Variants in L3MBTL4 observed in about 807,000 individuals in gnomAD.
L3MBTL4 encodes the protein L3MBTL histone methyl-lysine binding protein 4.
A neutral mutation model predicts 84.5 loss-of-function variants in L3MBTL4; 70 were observed. That is an observed-to-expected ratio of 0.83 (90% CI 0.68 to 1.01). The LOEUF (loss-of-function observed/expected upper bound fraction) is 1.01. Among genes scored for constraint, L3MBTL4 ranks in the 50% least tolerant of loss-of-function variants. The pLI is 0.00. For missense variants in L3MBTL4, 715 were observed against 754.8 expected (o/e 0.95, Z 0.62); for synonymous variants, 274 against 259.8 (o/e 1.05, Z -0.52).
chr18:6,056,118 G>A (rs557745495), intron 16 of L3MBTL4, among the ~76,000 whole-genome samples: 6 of 152,106 alleles, frequency 3.9e-5, no homozygotes, highest in Non-Finnish European at 7.4e-5. Flanking sequence ...AGGAATCTGG[G>A]CTGTAAAATT....
In L3MBTL4 at chr18:5,954,929, T is replaced by C. The variant is rs111629793; in HGVS notation, c.*1291A>G. 6.6e-6 allele frequency: 1 copy of C among 152,168 alleles called. No homozygotes were observed. Among genetic ancestry groups the C allele is most frequent in the African/African-American group, 2.4e-5 (1 of 41,420 alleles). The allele number at this position is 152,168 out of a possible 1,614,324, so 9.4% of individuals were successfully genotyped here. On this transcript the variant is annotated 3_prime_UTR_variant, in exon 19 of 19. Transcript: ENST00000317931. ...TGCACACCTCTTAGAGTTTGTTTATTTTCTTCAGTGAAAAAAAAATGTAAA... is the reference window on the plus strand; with the variant it reads ...TGCACACCTCTTAGAGTTTGTTTATCTTCTTCAGTGAAAAAAAAATGTAAA...
rs965309907 is a variant in L3MBTL4, at chr18:6,284,974, G to A, written c.127+16929C>T. Among the ~76,000 whole-genome samples, 5 of 152,240 alleles carry A rather than the reference G, an allele frequency of 3.3e-5. No homozygotes were observed. In the South Asian group the frequency reaches 8.3e-4, roughly 25 times the overall value. On this transcript the variant is annotated intron_variant, in intron 4 of 18. Transcript: ENST00000317931. The stretch of plus-strand genomic sequence containing the variant: ...GGCAGGGCAGCCTGGCATGGGCGGG[G>A]GCGGGAATGAACCCTAAACAAGGCG...
intron 1 of L3MBTL4, among the ~76,000 whole-genome samples, chr18:6,401,301 T>C (rs934259381): frequency 2.0e-5 from 3 of 152,194 alleles, no homozygotes; most frequent in Non-Finnish European, 4.4e-5. Flanking sequence ...GCACCGTTTA[T>C]AGATATCACC....
chr18:6,179,380 C>A (rs1188274814), intron 12 of L3MBTL4, among the ~76,000 whole-genome samples: 3 of 152,268 alleles, frequency 2.0e-5, no homozygotes, highest in South Asian at 4.1e-4. Context: ...GAGAGGAGAA[C>A]TGGGTTTTAA....
intron 16 of L3MBTL4, among the ~76,000 whole-genome samples, chr18:6,039,512 G>A (rs2056304449): frequency 6.6e-6 from 1 of 152,148 alleles, no homozygotes; most frequent in South Asian, 2.1e-4. Context: ...AAAGGGTAAG[G>A]AAAGAGTGCC....
chr18:6,025,193 AAC>A (rs2055444656), intron 16 of L3MBTL4: 1 of 152,224 alleles, frequency 6.6e-6, no homozygotes, highest in Non-Finnish European at 1.5e-5. Context: ...CCAGAACTGG[AAC>A]ACATAGCTAA....
intron 4 of L3MBTL4, among the ~76,000 whole-genome samples, chr18:6,282,140 T>C (rs1201935534): frequency 6.6e-6 from 1 of 152,218 alleles, no homozygotes; most frequent in Non-Finnish European, 1.5e-5. Context: ...CTGTTCTCTC[T>C]AGTTACTAAT....
intron 4 of L3MBTL4, among the ~76,000 whole-genome samples, chr18:6,279,253 T>C (rs2049222621): frequency 6.6e-6 from 1 of 151,652 alleles, no homozygotes; most frequent in South Asian, 2.1e-4. Context: ...CAAAAAGCAT[T>C]GAGACATAAA....
In L3MBTL4 at chr18:6,235,394, A is replaced by G. The variant is rs2047177031; in HGVS notation, c.784+2570T>C. On this transcript the variant is annotated intron_variant, in intron 10 of 18. Transcript: ENST00000317931. ...ATTGTACATGAATGCTTACAGTGGC[A>G]TTTCTAATAATAACCAAAAGGTACA... 1.3e-5 allele frequency among the ~76,000 whole-genome samples: 2 copies of G among 152,312 alleles called. 1 individual carries two copies. Among genetic ancestry groups the G allele is most frequent in the South Asian group, 4.1e-4 (2 of 4,828 alleles).
intron 15 of L3MBTL4, among the ~76,000 whole-genome samples, chr18:6,083,308 C>T (rs767785085): frequency 6.6e-5 from 10 of 152,090 alleles, no homozygotes; most frequent in Non-Finnish European, 1.5e-4. Flanking sequence ...TGGAACAGAA[C>T]GAGCATAAGT....
At chr18:6,340,380 C>G (rs1028617404) in intron 1 of L3MBTL4, among the ~76,000 whole-genome samples, 1 of 152,180 alleles carries the variant, frequency 6.6e-6, no homozygotes, top group African/African-American at 2.4e-5. Flanking sequence ...CACTTCTCCC[C>G]CAAGGTGGCA....
intron 1 of L3MBTL4, among the ~76,000 whole-genome samples, chr18:6,347,533 A>C (rs114702305): frequency 1.0e-3 from 155 of 151,800 alleles, no homozygotes; most frequent in African/African-American, 3.6e-3. Flanking sequence ...TTCTAAAATT[A>C]ATTAATTAAT....
intron 4 of L3MBTL4, among the ~76,000 whole-genome samples, chr18:6,298,636 G>A (rs1230846671): frequency 6.6e-6 from 1 of 152,158 alleles, no homozygotes. Flanking sequence ...ACTTTGGGAG[G>A]CCAAGGCGGG....
chr18:6,010,903 T>C (rs1430690017), intron 16 of L3MBTL4, among the ~76,000 whole-genome samples: 2 of 152,206 alleles, frequency 1.3e-5, no homozygotes, highest in Admixed American at 6.5e-5. Context: ...ATTTCTTTAA[T>C]ATGCCCATGA....
At chr18:6,077,154 T>C (rs1447717380) in intron 16 of L3MBTL4, among the ~76,000 whole-genome samples, 1 of 152,202 alleles carries the variant, frequency 6.6e-6, no homozygotes, top group Non-Finnish European at 1.5e-5. Flanking sequence ...ATAAACTCTA[T>C]GTTCATGCAT....
chr18:5,994,094 T>C (rs2053831377), intron 16 of L3MBTL4, among the ~76,000 whole-genome samples: 1 of 152,216 alleles, frequency 6.6e-6, no homozygotes, highest in African/African-American at 2.4e-5. Flanking sequence ...CTGCACCATC[T>C]ACCTCCCTGT....
chr18:6,113,752 C>A (rs1598793425), intron 14 of L3MBTL4, among the ~76,000 whole-genome samples: 1 of 152,176 alleles, frequency 6.6e-6, no homozygotes. Flanking sequence ...ATGAACAACT[C>A]AAAGATAACT....
intron 1 of L3MBTL4, among the ~76,000 whole-genome samples, chr18:6,376,252 T>C (rs999888561): frequency 6.6e-6 from 1 of 152,186 alleles, no homozygotes; most frequent in African/African-American, 2.4e-5. Flanking sequence ...GGCTTCCTGC[T>C]TCTCTTAATG....
intron 13 of L3MBTL4, among the ~76,000 whole-genome samples, chr18:6,142,180 A>G (rs879415204): frequency 4.6e-5 from 7 of 152,198 alleles, no homozygotes; most frequent in Admixed American, 2.6e-4. Context: ...TTTAATGTCT[A>G]TCTCTCTTAT....
Sources: gnomAD v4.1 joint callset for allele counts (sites outside exome capture counted in the v4.1 genomes callset) on GRCh38, gnomAD v4.1.1 for gene constraint, MANE v1.5 for transcripts, NCBI Gene and HGNC (gene_info 2026-07-23, HGNC 2026-07-21) for gene names.